TENM2: variants seen among roughly 807,000 people sequenced by gnomAD.
The protein encoded by TENM2 is teneurin transmembrane protein 2, also known as teneurin-2.
In TENM2, 52 loss-of-function variants were observed where a neutral mutation model predicts 245.2. That is an observed-to-expected ratio of 0.21 (90% CI 0.17 to 0.27). The LOEUF (loss-of-function observed/expected upper bound fraction) is 0.27. Ranked by LOEUF, TENM2 falls within the 10% of genes least tolerant of loss-of-function variation. The pLI, the probability that TENM2 is intolerant of heterozygous loss-of-function variation, is 1.00. For synonymous variants in TENM2, 1,363 were observed against 1,438.9 expected, an observed-to-expected ratio of 0.95 and a Z score of 1.19; for missense variants, 3,046 against 3,666.8, an observed-to-expected ratio of 0.83 and a Z score of 4.37.
intron 13 of TENM2, among the ~76,000 whole-genome samples, chr5:168,183,384 A>C (rs528841344): frequency 1.1e-4 from 11 of 100,256 alleles, no homozygotes; most frequent in South Asian, 3.5e-4. Flanking sequence ...GCCCAGCACA[A>C]AAAAAAAAAT....
In TENM2 at chr5:168,207,719, G is replaced by A. The variant is rs115090237; in HGVS notation, c.3824+3098G>A. 4.4e-3 allele frequency among the ~76,000 whole-genome samples: 668 copies of A among 152,106 alleles called. 6 individuals carry two copies. The highest frequency in any genetic ancestry group is 0.015 in the African/African-American group (628 of 41,474). ...GTTGGCAGCTGAATGATTCCATTTC[G>A]GGAGTCAGTGCCCATCCCTATCTCG... is the stretch of plus-strand genomic sequence containing the variant. On this transcript the variant is annotated intron_variant, in intron 19 of 28. Transcript: ENST00000518659.
the TENM2 span, among the ~76,000 whole-genome samples, chr5:166,979,203 GCAGCA>G: frequency 9.0e-6 from 1 of 111,454 alleles, no homozygotes; most frequent in African/African-American, 2.9e-5. Context: ...ACCAGCAGCA[GCAGCA>G]GCAGCAGCAG....
intron 11 of TENM2, among the ~76,000 whole-genome samples, chr5:168,126,098 A>G (rs558498129): frequency 6.6e-6 from 1 of 152,338 alleles, no homozygotes; most frequent in South Asian, 2.1e-4. Context: ...CTCCCCAAGC[A>G]CAAAAGACTT....
At chr5:167,689,543 C>T (rs1582758188) in intron 2 of TENM2, among the ~76,000 whole-genome samples, 1 of 152,180 alleles carries the variant, frequency 6.6e-6, no homozygotes, top group African/African-American at 2.4e-5. Context: ...GAAATGATCA[C>T]CGAATTCATT....
In TENM2 at chr5:167,999,915, A is replaced by G. The variant is rs182869772; in HGVS notation, c.1186+6733A>G. Among the ~76,000 whole-genome samples, 243 of 152,338 alleles carry G rather than the reference A, an allele frequency of 1.6e-3. 5 individuals carry two copies. Among genetic ancestry groups the G allele is most frequent in the Admixed American group, 0.014 (215 of 15,298 alleles). ...TGCACCTCAAGAATGCCAAGGAAAC[A>G]ACAATGGTATCGTCTGCCAGCCCAG... On this transcript the variant is annotated intron_variant, in intron 5 of 28. Transcript: ENST00000518659.
At chr5:168,135,646 A>G (rs1475480066) in intron 12 of TENM2, among the ~76,000 whole-genome samples, 1 of 152,222 alleles carries the variant, frequency 6.6e-6, no homozygotes, top group Admixed American at 6.5e-5. Flanking sequence ...TTTCATCATA[A>G]ACAGTCTCAG....
At chr5:167,276,352 T>TGTGTGTGTG in the TENM2 span, among the ~76,000 whole-genome samples, 4 of 34,240 alleles carry the variant, frequency 1.2e-4, no homozygotes, top group East Asian at 5.7e-4. Flanking sequence ...CCTGTTCATT[T>TGTGTGTGTG]TGTGTGTGTG....
chr5:167,050,411 C>T, the TENM2 span, among the ~76,000 whole-genome samples: 13 of 152,090 alleles, frequency 8.5e-5, no homozygotes, highest in Admixed American at 2.6e-4. Context: ...CAACCCCAGT[C>T]TGTGAAAAAA....
At chr5:168,200,519 G>A (rs1329765440) in intron 17 of TENM2, among the ~76,000 whole-genome samples, 1 of 152,134 alleles carries the variant, frequency 6.6e-6, no homozygotes, top group African/African-American at 2.4e-5. Flanking sequence ...AGAAGAGCAG[G>A]GTGTGTTTGA....
chr5:167,141,686 A>G, the TENM2 span, among the ~76,000 whole-genome samples: 17 of 152,250 alleles, frequency 1.1e-4, 3 homozygotes, highest in South Asian at 2.7e-3. Context: ...ATGTTTGAAC[A>G]TTGCTTTTTC....
chr5:167,445,336 T>TATATATATATATATATATATAGAG (rs368881390), intron 2 of TENM2, among the ~76,000 whole-genome samples: 1 of 77,316 alleles, frequency 1.3e-5, no homozygotes. Context: ...TATATATATA[T>TATATATATATATATATATATAGAG]AGAGAGAGAG....
intron 1 of TENM2, among the ~76,000 whole-genome samples, chr5:167,325,277 G>A (rs981494314): frequency 5.3e-5 from 8 of 152,088 alleles, no homozygotes; most frequent in African/African-American, 1.4e-4. Context: ...AAAATTAGCC[G>A]ACAAGAATTT....
intron 2 of TENM2, among the ~76,000 whole-genome samples, chr5:167,736,455 G>A (rs1760803908): frequency 6.6e-6 from 1 of 152,082 alleles, no homozygotes; most frequent in Admixed American, 6.5e-5. Context: ...TATAGTTAGT[G>A]ATTTTATAGG....
chr5:168,050,056 G>A (rs1397246892), intron 6 of TENM2, among the ~76,000 whole-genome samples: 1 of 152,032 alleles, frequency 6.6e-6, no homozygotes, highest in Non-Finnish European at 1.5e-5. Flanking sequence ...TCCCATCTCG[G>A]CCCCCCAAAG....
chr5:167,717,086 C>T (rs959448860), intron 2 of TENM2, among the ~76,000 whole-genome samples: 20 of 151,926 alleles, frequency 1.3e-4, no homozygotes, highest in African/African-American at 4.8e-4. Flanking sequence ...TCCCTGGTAG[C>T]TGGGACTACA....
chr5:167,380,823 A>G (rs1252891149), intron 2 of TENM2, among the ~76,000 whole-genome samples: 2 of 152,152 alleles, frequency 1.3e-5, no homozygotes, highest in African/African-American at 2.4e-5. Flanking sequence ...GTAAGAAGCA[A>G]AATGTTTTTG....
At chr5:168,122,334 G>A (rs1477387492) in intron 10 of TENM2, among the ~76,000 whole-genome samples, 3 of 152,114 alleles carry the variant, frequency 2.0e-5, no homozygotes, top group Non-Finnish European at 4.4e-5. Flanking sequence ...CGGCCACCAC[G>A]CCTGGCTAAT....
At chr5:168,071,395 G>A (rs1295481740) in intron 7 of TENM2, among the ~76,000 whole-genome samples, 1 of 152,050 alleles carries the variant, frequency 6.6e-6, no homozygotes, top group East Asian at 1.9e-4. Flanking sequence ...AGTAAGACAT[G>A]GTGATGATAG....
chr5:168,107,559 G>T (rs543110781), intron 9 of TENM2, among the ~76,000 whole-genome samples: 1 of 152,214 alleles, frequency 6.6e-6, no homozygotes, highest in East Asian at 1.9e-4. Context: ...GCCTCCTGGG[G>T]GGGGGGTCTG....
Sources: allele counts gnomAD v4.1 joint callset (sites outside exome capture counted in the v4.1 genomes callset), GRCh38; gene constraint gnomAD v4.1.1; transcripts MANE v1.5; gene names NCBI Gene and HGNC (gene_info 2026-07-23, HGNC 2026-07-21).